The following UNC93A variants were observed in gnomAD, a reference collection of about 807,000 sequenced individuals.
UNC93A encodes N-acetylglucosamine transporter UNC93A.
UNC93A carries 43 observed loss-of-function variants against 47.5 expected under a neutral mutation model. The observed-to-expected ratio is 0.91, with a 90% confidence interval of 0.71 to 1.17. The LOEUF (loss-of-function observed/expected upper bound fraction) is 1.17. Among genes scored for constraint, UNC93A ranks in the 50% most tolerant of loss-of-function variants. The probability of loss-of-function intolerance (pLI) is 0.00; values close to 1 mark genes in which losing one functional copy is unlikely to be tolerated. For synonymous variants in UNC93A, 280 were observed against 258.0 expected (o/e 1.09, Z -0.82); for missense variants, 605 against 577.6 (o/e 1.05, Z -0.49).
chr6:167,296,270 A>C lies in UNC93A; in HGVS notation c.499+9A>C, dbSNP rs767112744. 1.7e-5 allele frequency: 28 copies of C among 1,613,770 alleles called. No homozygotes were observed. In the Admixed American group the frequency reaches 3.3e-4, roughly 19 times the overall value. On this transcript the variant is annotated intron_variant, in intron 3 of 7. Coordinates refer to ENST00000230256, the MANE Select transcript of UNC93A (RefSeq NM_018974.4). ...CCAGACTCCCAGCCAAGGTAAAAGG[A>C]AAAGGGGCAAGCAATTGTCTCCAAG...
chr6:167,307,735 A>G (rs1187226946), intron 6 of UNC93A, 44 bp from the exon 7 acceptor site: 2 of 1,570,104 alleles, frequency 1.3e-6, no homozygotes, highest in East Asian at 2.4e-5. Flanking sequence ...CCAGGCCATG[A>G]TGATGGCCCT....
At chr6:167,308,389 TA>T (rs1429114257) in intron 7 of UNC93A, among the ~76,000 whole-genome samples, 4 of 152,016 alleles carry the variant, frequency 2.6e-5, no homozygotes, top group Non-Finnish European at 5.9e-5. Context: ...CACAGGTCAC[TA>T]GGGTCAGTGT....
upstream of UNC93A, among the ~76,000 whole-genome samples, chr6:167,270,402 C>A (rs1783432883): frequency 6.6e-6 from 1 of 151,922 alleles, no homozygotes; most frequent in African/African-American, 2.4e-5. Context: ...GTGGGGTGCC[C>A]AGAGGTGAAC....
chr6:167,303,799 A>T, intron 4 of UNC93A, 120 bp from the exon 5 acceptor site: 1 of 918,492 alleles, frequency 1.1e-6, no homozygotes, highest in Non-Finnish European at 1.7e-6. Context: ...TGTCGCCTGA[A>T]ATCTGGATCT....
rs145180168 is a variant in UNC93A, at chr6:167,308,818, G to C, written c.1108+908G>C. Among the ~76,000 whole-genome samples the C allele has an allele frequency of 6.3e-3, 959 of 152,258 alleles. 23 individuals are homozygous for C. Among genetic ancestry groups the C allele is most frequent in the Admixed American group, 0.046 (696 of 15,294 alleles). On this transcript the variant is annotated intron_variant, in intron 7 of 7. Coordinates refer to ENST00000230256, the MANE Select transcript of UNC93A (RefSeq NM_018974.4). Reference sequence around the variant, plus strand: ...CGTGTCACAACAATCAATTCCAAAAGGCAGGTGACAAGGTCCAAGGTGCGG... The same window carrying C: ...CGTGTCACAACAATCAATTCCAAAACGCAGGTGACAAGGTCCAAGGTGCGG...
intron 5 of UNC93A, among the ~76,000 whole-genome samples, chr6:167,304,551 C>G: frequency 8.8e-6 from 1 of 113,216 alleles, no homozygotes; most frequent in South Asian, 3.7e-4. Flanking sequence ...TTTCTTATCT[C>G]TCTAGTTTTT....
At chr6:167,301,618 C>T (rs956436953) in intron 4 of UNC93A, among the ~76,000 whole-genome samples, 23 of 152,152 alleles carry the variant, frequency 1.5e-4, no homozygotes, top group African/African-American at 5.6e-4. Context: ...TCACATGACA[C>T]CCGGACATAC....
rs115812409 is a variant in UNC93A, at chr6:167,301,345, G to A, written c.626-2574G>A. Reference sequence around the variant, plus strand: ...TCACACACATGTAAATGAAGAAGTGGTCTTACTATTGTGATTGTAACAGTC... The same window carrying A: ...TCACACACATGTAAATGAAGAAGTGATCTTACTATTGTGATTGTAACAGTC... On this transcript the variant is annotated intron_variant, in intron 4 of 7. Transcript: ENST00000230256. Among the ~76,000 whole-genome samples the A allele has an allele frequency of 6.5e-3, 993 of 152,268 alleles. 13 individuals are homozygous for A. The highest frequency in any genetic ancestry group is 0.022 in the African/African-American group (912 of 41,532).
chr6:167,283,532 A>G (rs777271023), intron 1 of UNC93A, among the ~76,000 whole-genome samples: 1 of 152,150 alleles, frequency 6.6e-6, no homozygotes, highest in Non-Finnish European at 1.5e-5. Flanking sequence ...GTTATCTGAA[A>G]GTGGGAAGGG....
chr6:167,273,369 C>T (rs1434784610), intron 1 of UNC93A, among the ~76,000 whole-genome samples: 1 of 104,520 alleles, frequency 9.6e-6, no homozygotes, highest in African/African-American at 3.5e-5. Flanking sequence ...AGAGACAGAG[C>T]CTCCTCCCCA....
Position 167,303,969 on chromosome 6 carries a change from C to A in UNC93A, c.676C>A (p.Arg226=). 6.2e-7 allele frequency: 1 copy of A among 1,613,602 alleles called. No homozygotes were observed. Among genetic ancestry groups the A allele is most frequent in the South Asian group, 1.1e-5 (1 of 91,040 alleles). The change falls in exon 5 of 8, where the codon CGA becomes AGA. Residue 226 remains arginine (R), a synonymous_variant. Transcript: ENST00000230256. The stretch of plus-strand genomic sequence containing the variant: ...GATAGCTGCGTTCCTCCAACCCATA[C>A]GAGATGTTCAGCGGGAAAGTGAAGG... ...LMIAAFLQPI[R]DVQRESEGEK...
chr6:167,288,160 A>G (rs1459069531), upstream of UNC93A, among the ~76,000 whole-genome samples: 2 of 152,126 alleles, frequency 1.3e-5, no homozygotes, highest in Non-Finnish European at 1.5e-5. Flanking sequence ...TTGCCACACG[A>G]TGGGTCTCTG....
chr6:167,290,175 C>G (rs1783816434), upstream of UNC93A, among the ~76,000 whole-genome samples: 1 of 152,198 alleles, frequency 6.6e-6, no homozygotes, highest in Non-Finnish European at 1.5e-5. Flanking sequence ...CCGTGGAGCT[C>G]ATCTGTTTCC....
rs150440399 is a variant in UNC93A at position 167,296,217 on chromosome 6, G to A, written c.455G>A (p.Gly152Asp). The A allele has an allele frequency of 5.9e-3, 9,471 of 1,614,198 alleles. 52 individuals are homozygous for A. The highest frequency in any genetic ancestry group is 7.1e-3 in the Non-Finnish European group (8,335 of 1,180,038). ...ATATTCCAGTCATCCGGTGTGTGGG[G>A]CAACTTGATCTCATCGCTGGTATTT... ...FLIFQSSGVW[G>D]NLISSLVFGQ... The change falls in exon 3 of 8, where the codon GGC becomes GAC. Residue 152 changes from glycine (G) to aspartate (D), a missense_variant. Coordinates refer to ENST00000230256, the MANE Select transcript of UNC93A (RefSeq NM_018974.4).
At chr6:167,274,566 G>T (rs1012162945) in intron 1 of UNC93A, among the ~76,000 whole-genome samples, 2 of 152,104 alleles carry the variant, frequency 1.3e-5, no homozygotes, top group Non-Finnish European at 2.9e-5. Context: ...GATCCAGAAG[G>T]CTGATTCCTG....
Position 167,304,047 on chromosome 6 carries a change from T to C in UNC93A, c.754T>C (p.Tyr252His), listed in dbSNP as rs1778313808. The change falls in exon 5 of 8, where the codon TAT becomes CAT. Residue 252 changes from tyrosine (Y) to histidine (H), a missense_variant. Transcript: ENST00000230256. ...WSTLLSTFKL[Y>H]RDKRLCLLIL... ...CACTTTACTGTCGACTTTCAAGCTATATAGAGATAAACGTCTGTGCCTCTT... is the reference window on the plus strand; with the variant it reads ...CACTTTACTGTCGACTTTCAAGCTACATAGAGATAAACGTCTGTGCCTCTT... 6.2e-7 allele frequency: 1 copy of C among 1,614,084 alleles called. No individual in the cohort carries two copies. The highest frequency in any genetic ancestry group is 1.3e-5 in the African/African-American group (1 of 74,984).
At chr6:167,273,439 G>C (rs1014916591) in intron 1 of UNC93A, among the ~76,000 whole-genome samples, 23 of 152,208 alleles carry the variant, frequency 1.5e-4, no homozygotes, top group Non-Finnish European at 3.1e-4. Context: ...ACCTGGCTCT[G>C]TCAACTGGAA....
rs1360239603 is a variant in UNC93A, at chr6:167,303,385, T to TA, written c.626-533dup. 7.9e-5 allele frequency among the ~76,000 whole-genome samples: 12 copies of TA among 152,340 alleles called. No homozygotes were observed. In the South Asian group the frequency reaches 2.3e-3, roughly 29 times the overall value. On this transcript the variant is annotated intron_variant, in intron 4 of 7. Coordinates refer to ENST00000230256, the MANE Select transcript of UNC93A (RefSeq NM_018974.4). ...ATCCGTGTATAAAGAGCTTCTTTTT[T>TA]ATTTTCTTCAAATGCACAACATTCT...
intron 4 of UNC93A, among the ~76,000 whole-genome samples, chr6:167,298,673 G>T (rs918798511): frequency 6.6e-6 from 1 of 152,114 alleles, no homozygotes; most frequent in Admixed American, 6.5e-5. Context: ...TTGTCATGAC[G>T]AGGCTCATTC....
Sources: allele counts gnomAD v4.1 joint callset (sites outside exome capture counted in the v4.1 genomes callset), GRCh38; gene constraint gnomAD v4.1.1; transcripts MANE v1.5; gene names NCBI Gene and HGNC (gene_info 2026-07-23, HGNC 2026-07-21).